The following TEX15 variants were observed in gnomAD, a reference collection of about 807,000 sequenced individuals.
TEX15 encodes the protein testis-expressed protein 15.
Under a neutral mutation model 237.3 loss-of-function variants are expected in TEX15, and 171 were observed. The observed-to-expected ratio is 0.72, with a 90% CI of 0.64 to 0.82. TEX15 has a LOEUF of 0.82. Among genes scored for constraint, TEX15 ranks in the 40% least tolerant of loss-of-function variants. The pLI is 0.00. For synonymous variants in TEX15, 1,338 were observed against 1,269.8 expected, an observed-to-expected ratio of 1.05 and a Z score of -1.14; for missense variants, 3,750 against 3,646.5, an observed-to-expected ratio of 1.03 and a Z score of -0.73.
chr8:30,845,962 G>A lies in TEX15; in HGVS notation c.4205C>T (p.Thr1402Ile). The stretch of plus-strand genomic sequence containing the variant: ...GCCCTTTCTTTCTTCTCCTACTTTA[G>A]TTATAAGCTGCAAAGATGTGTGAAC... ...RRVHTSLQLI[T>I]KVGEERKGPL... The change falls in exon 8 of 11, where the codon ACT (threonine) becomes ATT (isoleucine). Residue 1402 changes from threonine to isoleucine, a missense_variant. Thr to Ile is a moderately conservative substitution (Grantham distance 89). Coordinates refer to ENST00000643185, the MANE Select transcript of TEX15 (RefSeq NM_001350162.2). 2.5e-6 allele frequency: 4 copies of A among 1,612,966 alleles called. No homozygotes were observed. The highest frequency in any genetic ancestry group is 2.5e-6 in the Non-Finnish European group (3 of 1,179,526).
intron 1 of TEX15, among the ~76,000 whole-genome samples, chr8:30,911,177 T>C (rs1296226277): frequency 6.6e-6 from 1 of 152,180 alleles, no homozygotes; most frequent in Non-Finnish European, 1.5e-5. Context: ...TGGAGTGCAG[T>C]GGTGCAATCT....
At chr8:30,908,296 G>A (rs990062226) in intron 1 of TEX15, among the ~76,000 whole-genome samples, 1 of 152,108 alleles carries the variant, frequency 6.6e-6, no homozygotes, top group Non-Finnish European at 1.5e-5. Flanking sequence ...CTGGACTCAA[G>A]CGATCCTCCT....
intron 7 of TEX15, among the ~76,000 whole-genome samples, chr8:30,854,940 C>G (rs1226263931): frequency 3.3e-5 from 5 of 152,084 alleles, no homozygotes; most frequent in African/African-American, 1.2e-4. Context: ...TAAAAACTCT[C>G]AATAAACCAG....
intron 2 of TEX15, among the ~76,000 whole-genome samples, chr8:30,895,960 G>A (rs1211312646): frequency 6.6e-6 from 1 of 152,022 alleles, no homozygotes; most frequent in Non-Finnish European, 1.5e-5. Context: ...ATTACAATAG[G>A]TGTGAGCTAC....
chr8:30,847,840 T>C lies in TEX15; in HGVS notation c.2327A>G (p.Glu776Gly). ...PKPKDIPQAK[E>G]MFIDTVISSY... ...TGAAATAACTGTATCAATGAACATT[T>C]CTTTGGCCTGGGGTATGTCTTTTGG... is the stretch of plus-strand genomic sequence containing the variant. The change falls in exon 8 of 11, where the codon GAA (glutamate) becomes GGA (glycine). Residue 776 changes from glutamate (E) to glycine (G), a missense_variant. Transcript: ENST00000643185. 6.2e-7 allele frequency: 1 copy of C among 1,613,938 alleles called. No individual in the cohort carries two copies. The highest frequency in any genetic ancestry group is 1.7e-5 in the Admixed American group (1 of 60,022).
intron 5 of TEX15, among the ~76,000 whole-genome samples, chr8:30,864,056 A>C (rs572248146): frequency 6.6e-6 from 1 of 152,234 alleles, no homozygotes; most frequent in South Asian, 2.1e-4. Context: ...TCAAAGAGCT[A>C]AGTATGTGGA....
chr8:30,909,015 G>A (rs779554657), intron 1 of TEX15, among the ~76,000 whole-genome samples: 4 of 151,994 alleles, frequency 2.6e-5, no homozygotes, highest in Non-Finnish European at 5.9e-5. Flanking sequence ...AAATGTACCA[G>A]AGCTCACAAG....
chr8:30,838,744 A>G (rs1807370021), intron 9 of TEX15, among the ~76,000 whole-genome samples: 2 of 140,414 alleles, frequency 1.4e-5, no homozygotes, highest in Admixed American at 7.2e-5. Flanking sequence ...ATACACACAT[A>G]TGTATGTGTA....
At chr8:30,833,602 C>G (rs936273536) in intron 10 of TEX15, among the ~76,000 whole-genome samples, 2 of 152,288 alleles carry the variant, frequency 1.3e-5, no homozygotes, top group Middle Eastern at 6.8e-3. Context: ...ACACAGGGCT[C>G]ACTCAAGCAC....
At chr8:30,866,229 C>T (rs1005190479) in intron 5 of TEX15, among the ~76,000 whole-genome samples, 6 of 151,730 alleles carry the variant, frequency 4.0e-5, no homozygotes, top group African/African-American at 1.5e-4. Flanking sequence ...CCACTGAACT[C>T]CAGCCTGGGT....
chr8:30,911,343 G>C (rs528839619), intron 1 of TEX15, among the ~76,000 whole-genome samples: 57 of 152,056 alleles, frequency 3.7e-4, no homozygotes, highest in African/African-American at 1.2e-3. Context: ...GTAGAGACGG[G>C]ATTTCCCCAT....
chr8:30,844,919 C>A lies in TEX15; in HGVS notation c.5248G>T (p.Ala1750Ser), dbSNP rs1807559325. 1 of 1,613,432 alleles carries A rather than the reference C, an allele frequency of 6.2e-7. No individual in the cohort carries two copies. Among genetic ancestry groups the A allele is most frequent in the Non-Finnish European group, 8.5e-7 (1 of 1,179,518 alleles). Residue 1750 changes from alanine to serine, a missense_variant, in exon 8 of 11, where the codon GCA becomes TCA. Physicochemically the swap from Ala to Ser is moderately conservative, Grantham distance 99. Coordinates refer to ENST00000643185, the MANE Select transcript of TEX15 (RefSeq NM_001350162.2). ...QRILTVDSFAASSTVPHCEQS... is the reference protein window; with the variant it reads ...QRILTVDSFASSSTVPHCEQS... ...TCACAGTGTGGTACAGTACTGGATG[C>A]TGCAAAAGAATCTACAGTAAGAATT... is the stretch of plus-strand genomic sequence containing the variant.
intron 1 of TEX15, among the ~76,000 whole-genome samples, chr8:30,900,963 G>C (rs1446021377): frequency 6.6e-6 from 1 of 152,160 alleles, no homozygotes; most frequent in Non-Finnish European, 1.5e-5. Flanking sequence ...TTTGAGACCA[G>C]CTCGGGCAAC....
intron 2 of TEX15, among the ~76,000 whole-genome samples, chr8:30,898,511 C>A (rs1808948936): frequency 6.6e-6 from 1 of 152,154 alleles, no homozygotes; most frequent in Non-Finnish European, 1.5e-5. Flanking sequence ...TTATGAGTTA[C>A]CCAGTTTATA....
intron 2 of TEX15, among the ~76,000 whole-genome samples, chr8:30,892,791 T>G (rs1425913187): frequency 1.3e-5 from 2 of 152,186 alleles, no homozygotes; most frequent in East Asian, 3.9e-4. Flanking sequence ...CCCAGCACTT[T>G]GGGAGGCCGA....
At position 30,833,227 on chromosome 8, in the gene TEX15, A is replaced by C. The variant is rs1807219293; in HGVS notation, c.*59T>G. ...AATCGCTAAATGTTAAAAAATATAT[A>C]AGTAAAAAATATTTGGAAAAACTTG... On this transcript the variant is annotated 3_prime_UTR_variant, in exon 11 of 11. Transcript: ENST00000643185. The C allele has an allele frequency of 3.4e-6, 4 of 1,163,426 alleles. No homozygotes were observed. The highest frequency in any genetic ancestry group is 2.4e-4 in the Middle Eastern group (1 of 4,174). The allele number at this position is 1,163,426 out of a possible 1,614,324, so 72.1% of individuals were successfully genotyped here.
Position 30,842,833 on chromosome 8 carries a change from T to C in TEX15, c.7334A>G (p.Tyr2445Cys), listed in dbSNP as rs372637323. ...TTCTGAGACCATGACGATTTCAATA[T>C]ACATTTCAATAGCTTCAGGCTTTAA... ...IILKPEAIEMYIEIVMVSETI... is the reference protein window; with the variant it reads ...IILKPEAIEMCIEIVMVSETI... The change falls in exon 8 of 11, where the codon TAT (tyrosine) becomes TGT (cysteine). Residue 2445 changes from tyrosine to cysteine, a missense_variant. Coordinates refer to ENST00000643185, the MANE Select transcript of TEX15 (RefSeq NM_001350162.2). 5 of 1,613,026 alleles carry C rather than the reference T, an allele frequency of 3.1e-6. No homozygotes were observed. The highest frequency in any genetic ancestry group is 1.1e-5 in the South Asian group (1 of 91,010).
chr8:30,863,075 T>C (rs367707522), intron 5 of TEX15, among the ~76,000 whole-genome samples: 37 of 152,264 alleles, frequency 2.4e-4, no homozygotes, highest in East Asian at 2.3e-3. Flanking sequence ...GGGGAACGCT[T>C]GAATAGCATA....
rs775185921 is a variant in TEX15 at position 30,848,868 on chromosome 8, G to C, written c.1299C>G (p.Asp433Glu). The change falls in exon 8 of 11, where the codon GAC becomes GAG. Residue 433 changes from aspartate to glutamate, a missense_variant. Asp to Glu is a conservative substitution (Grantham distance 45). Coordinates refer to ENST00000643185, the MANE Select transcript of TEX15 (RefSeq NM_001350162.2). ...STVTTSKSIK[D>E]PRLMRREESM... ...TTTCTTCTCTCCTCATCAGTCTTGG[G>C]TCTTTGATGGATTTTGAAGTAGTGA... 6.2e-7 allele frequency: 1 copy of C among 1,614,120 alleles called. No individual in the cohort carries two copies. The highest frequency in any genetic ancestry group is 8.5e-7 in the Non-Finnish European group (1 of 1,180,020).
Sources: allele counts gnomAD v4.1 joint callset (sites outside exome capture counted in the v4.1 genomes callset), GRCh38; gene constraint gnomAD v4.1.1; transcripts MANE v1.5; gene names NCBI Gene and HGNC (gene_info 2026-07-23, HGNC 2026-07-21).